Variants in ETNK1 observed in about 807,000 individuals in gnomAD.
ETNK1 encodes ethanolamine kinase 1.
ETNK1 carries 8 observed loss-of-function variants against 45.1 expected under a neutral mutation model. That is an observed-to-expected ratio of 0.18 (90% confidence interval 0.10 to 0.32). ETNK1 has a LOEUF of 0.32. ETNK1 is among the 10% of genes least tolerant of loss of function. The probability of loss-of-function intolerance (pLI) is 1.00; values close to 1 mark genes in which losing one functional copy is unlikely to be tolerated. For missense variants in ETNK1, 302 were observed against 430.6 expected (o/e 0.70, Z 2.64); for synonymous variants, 152 against 151.9 (o/e 1.00, Z -0.01).
At chr12:22,630,326 CAT>C (rs34035154) in intron 1 of ETNK1, among the ~76,000 whole-genome samples, 12 of 152,136 alleles carry the variant, frequency 7.9e-5, no homozygotes, top group Non-Finnish European at 1.5e-4. Context: ...GTAATTCTGA[CAT>C]GTGTTTTTTG....
In ETNK1 at chr12:22,659,192, T is replaced by C. The variant is rs781526904; in HGVS notation, c.557+38T>C. ...TTACATTTGAAATTATGTTTTACAT[T>C]GCTTTGCTCTATGATAGGGTTTCAA... On this transcript the variant is annotated intron_variant, in intron 3 of 7. Coordinates refer to ENST00000266517, the MANE Select transcript of ETNK1 (RefSeq NM_018638.5). 6 of 1,580,142 alleles carry C rather than the reference T, an allele frequency of 3.8e-6. No homozygotes were observed. The East Asian group carries it at 1.3e-4, about 36-fold the overall frequency.
At chr12:22,633,803 T>G (rs573556725) in intron 1 of ETNK1, among the ~76,000 whole-genome samples, 53 of 152,286 alleles carry the variant, frequency 3.5e-4, no homozygotes, top group African/African-American at 1.2e-3. Flanking sequence ...AAAATTACTT[T>G]ATTGTTGGTA....
chr12:22,645,249 C>A (rs906800409), intron 2 of ETNK1, among the ~76,000 whole-genome samples: 1 of 151,722 alleles, frequency 6.6e-6, no homozygotes, highest in Non-Finnish European at 1.5e-5. Flanking sequence ...TGGATCCCCC[C>A]AAAGCTGGTT....
At chr12:22,679,251 C>T (rs979840967) in intron 6 of ETNK1, among the ~76,000 whole-genome samples, 1 of 152,200 alleles carries the variant, frequency 6.6e-6, no homozygotes, top group Non-Finnish European at 1.5e-5. Flanking sequence ...CCAAGAGCCC[C>T]CTGGCAAACC....
At chr12:22,652,967 A>G (rs1953897258) in intron 2 of ETNK1, among the ~76,000 whole-genome samples, 1 of 152,090 alleles carries the variant, frequency 6.6e-6, no homozygotes, top group Admixed American at 6.6e-5. Flanking sequence ...TAATAGTTTT[A>G]GTTCTTACAT....
chr12:22,684,426 G>GTTTTACAGAGAAACATATC, intron 6 of ETNK1, 57 bp from the exon 7 acceptor site: 1 of 1,176,232 alleles, frequency 8.5e-7, no homozygotes. Context: ...CAATTCATAT[G>GTTTTACAGAGAAACATATC]TGTTTTACAG....
At chr12:22,660,969 A>C (rs1953993355) in intron 3 of ETNK1, 94 bp from the exon 4 acceptor site, 1 of 1,115,488 alleles carries the variant, frequency 9.0e-7, no homozygotes, top group East Asian at 2.6e-5. Context: ...ATGTGCGATT[A>C]AATTGAAGGG....
At chr12:22,676,997 A>G (rs1327175043) in intron 6 of ETNK1, among the ~76,000 whole-genome samples, 4 of 152,062 alleles carry the variant, frequency 2.6e-5, no homozygotes, top group Non-Finnish European at 4.4e-5. Flanking sequence ...TGCTGTGCAG[A>G]AGCTCTTTAG....
chr12:22,651,047 C>T (rs1341157604), intron 2 of ETNK1, among the ~76,000 whole-genome samples: 2 of 152,002 alleles, frequency 1.3e-5, no homozygotes, highest in African/African-American at 4.8e-5. Flanking sequence ...GTTTAATAGG[C>T]AAAAGAAAGA....
At chr12:22,661,772 C>A (rs1172013461) in intron 4 of ETNK1, among the ~76,000 whole-genome samples, 1 of 152,008 alleles carries the variant, frequency 6.6e-6, no homozygotes, top group Non-Finnish European at 1.5e-5. Flanking sequence ...AATCAAGAAA[C>A]CTTGGTAGAT....
At chr12:22,655,168 A>G (rs1953922609) in intron 2 of ETNK1, among the ~76,000 whole-genome samples, 1 of 152,042 alleles carries the variant, frequency 6.6e-6, no homozygotes, top group Non-Finnish European at 1.5e-5. Flanking sequence ...GGGTTTCACC[A>G]TGTTGGCCAG....
At position 22,678,483 on chromosome 12, in the gene ETNK1, A is replaced by G. The variant is rs373084132; in HGVS notation, c.945+4823A>G. ...GTATGGTGAAAATAAGGAAATGATC[A>G]AAGTCTGGTTTCATGAATTACACAC... On this transcript the variant is annotated intron_variant, in intron 6 of 7. Coordinates refer to ENST00000266517, the MANE Select transcript of ETNK1 (RefSeq NM_018638.5). Among the ~76,000 whole-genome samples the G allele has an allele frequency of 9.2e-5, 14 of 152,348 alleles. 4 individuals carry two copies.
At chr12:22,684,431 T>C in intron 6 of ETNK1, 52 bp from the exon 7 acceptor site, 2 of 1,289,778 alleles carry the variant, frequency 1.6e-6, no homozygotes, top group Non-Finnish European at 2.2e-6. Context: ...CATATGTGTT[T>C]TACAGAGAAA....
At chr12:22,650,175 C>T (rs1354410812) in intron 2 of ETNK1, among the ~76,000 whole-genome samples, 2 of 151,370 alleles carry the variant, frequency 1.3e-5, no homozygotes, top group African/African-American at 2.4e-5. Flanking sequence ...TTGCTCATTC[C>T]GCGAGGTTTT....
At chr12:22,643,133 AG>A (rs528726842) in intron 1 of ETNK1, among the ~76,000 whole-genome samples, 185 of 152,134 alleles carry the variant, frequency 1.2e-3, no homozygotes, top group African/African-American at 4.1e-3. Flanking sequence ...TTATACTCTG[AG>A]TGTATAACAC....
At chr12:22,657,978 G>T (rs1475706946) in intron 2 of ETNK1, among the ~76,000 whole-genome samples, 1 of 152,058 alleles carries the variant, frequency 6.6e-6, no homozygotes, top group Admixed American at 6.6e-5. Flanking sequence ...TACTTAAGTG[G>T]CTTTCAAATG....
intron 1 of ETNK1, among the ~76,000 whole-genome samples, chr12:22,630,791 A>G (rs549100685): frequency 1.3e-5 from 2 of 151,882 alleles, no homozygotes; most frequent in East Asian, 3.9e-4. Context: ...TTGTATTTTT[A>G]GTAGAGTCGG....
rs972244040 is a variant in ETNK1, at chr12:22,625,741, C to A, written c.156+155C>A. The A allele has an allele frequency of 2.2e-5, 24 of 1,098,434 alleles. No individual in the cohort carries two copies. In the African/African-American group the frequency reaches 3.3e-4, roughly 15 times the overall value. 68.0% of individuals were successfully genotyped at this position (1,098,434 alleles called of 1,614,324 possible). A position where few individuals can be genotyped will look rare whatever the true frequency, so the allele number is the denominator to read the frequency against. The stretch of plus-strand genomic sequence containing the variant: ...AGTGACCCTGTATTTCCCCTCACAC[C>A]TAGGAGGGTCACTCCCCCTTCCCGT... On this transcript the variant is annotated intron_variant, in intron 1 of 7. Coordinates refer to ENST00000266517, the MANE Select transcript of ETNK1 (RefSeq NM_018638.5).
At chr12:22,643,078 T>C (rs576223935) in intron 1 of ETNK1, among the ~76,000 whole-genome samples, 106 of 152,072 alleles carry the variant, frequency 7.0e-4, no homozygotes, top group African/African-American at 2.3e-3. Flanking sequence ...TAAGGTTGCG[T>C]TTTTGTTTGT....
Sources: allele counts gnomAD v4.1 joint callset (sites outside exome capture counted in the v4.1 genomes callset), GRCh38; gene constraint gnomAD v4.1.1; transcripts MANE v1.5; gene names NCBI Gene and HGNC (gene_info 2026-07-23, HGNC 2026-07-21).